The following DCC variants were observed in gnomAD, a reference collection of about 807,000 sequenced individuals.
The protein encoded by DCC is netrin receptor DCC.
DCC carries 58 observed loss-of-function variants against 172.5 expected under a neutral mutation model. The observed-to-expected ratio is 0.34, with a 90% CI of 0.27 to 0.42. The LOEUF (loss-of-function observed/expected upper bound fraction) is 0.42. DCC is among the 10% of genes least tolerant of loss of function. The pLI is 1.00. For synonymous variants in DCC, 709 were observed against 644.5 expected (o/e 1.10, Z -1.52); for missense variants, 1,740 against 1,791.0 (o/e 0.97, Z 0.51).
At chr18:53,156,750 A>G (rs992411099) in intron 7 of DCC, among the ~76,000 whole-genome samples, 8 of 152,286 alleles carry the variant, frequency 5.3e-5, no homozygotes, top group African/African-American at 1.9e-4. Flanking sequence ...ATTTATATTT[A>G]GTATATCTTG....
intron 27 of DCC, 41 bp downstream of exon 27, chr18:53,499,551 A>G (rs981252814): frequency 1.3e-6 from 2 of 1,514,776 alleles, no homozygotes; most frequent in African/African-American, 1.4e-5. Context: ...TCTTATTATT[A>G]TTGGTGCCTC....
chr18:52,652,331 C>T (rs1215305543), intron 1 of DCC, among the ~76,000 whole-genome samples: 2 of 152,168 alleles, frequency 1.3e-5, no homozygotes, highest in East Asian at 3.9e-4. Context: ...AAAGATATAC[C>T]TCTCGTCTCC....
Position 52,923,719 on chromosome 18 carries a change from A to G in DCC, c.710A>G (p.His237Arg), listed in dbSNP as rs2040158658. The G allele has an allele frequency of 1.9e-6, 3 of 1,608,452 alleles. No individual in the cohort carries two copies. Among genetic ancestry groups the G allele is most frequent in the Non-Finnish European group, 2.6e-6 (3 of 1,175,128 alleles). The change falls in exon 4 of 29, where the codon CAT becomes CGT. Residue 237 changes from histidine to arginine, a missense_variant. His to Arg is a conservative substitution (Grantham distance 29). This residue lies in a region of DCC where 1,732 missense variants were observed against 1,767.4 expected (regional missense o/e 0.98). Transcript: ENST00000442544. ...TTTCCCCTCATAGATCCAGGACTGC[A>G]TAGACAGCTGTATTTTCTGCAAAGA... ...EVRILSDPGL[H>R]RQLYFLQRPS...
intron 1 of DCC, among the ~76,000 whole-genome samples, chr18:52,577,814 CA>C (rs1411027420): frequency 6.6e-6 from 1 of 152,134 alleles, no homozygotes; most frequent in East Asian, 1.9e-4. Flanking sequence ...CTTCTGATGC[CA>C]CCTAATGGGA....
intron 12 of DCC, among the ~76,000 whole-genome samples, chr18:53,280,525 C>T (rs1884705012): frequency 6.6e-6 from 1 of 152,074 alleles, no homozygotes; most frequent in Non-Finnish European, 1.5e-5. Context: ...AAGGAGCATG[C>T]TCTGGAGTTA....
chr18:52,675,430 C>A (rs909062824), intron 1 of DCC, among the ~76,000 whole-genome samples: 3 of 152,018 alleles, frequency 2.0e-5, no homozygotes, highest in Non-Finnish European at 4.4e-5. Context: ...AGCTGGAAGC[C>A]CCCCACACCA....
chr18:52,546,833 C>T (rs2032630815), intron 1 of DCC, among the ~76,000 whole-genome samples: 1 of 152,016 alleles, frequency 6.6e-6, no homozygotes, highest in South Asian at 2.1e-4. Context: ...ACCTATAAAG[C>T]AGATGGGAAC....
intron 3 of DCC, among the ~76,000 whole-genome samples, chr18:52,920,387 A>T (rs1299972706): frequency 1.3e-5 from 2 of 152,262 alleles, no homozygotes; most frequent in South Asian, 2.1e-4. Context: ...TAGATAAAAG[A>T]TCTGAACAGA....
At chr18:53,137,121 T>C (rs1439510413) in intron 7 of DCC, among the ~76,000 whole-genome samples, 2 of 152,210 alleles carry the variant, frequency 1.3e-5, no homozygotes, top group African/African-American at 4.8e-5. Flanking sequence ...GTATAACAAA[T>C]TACTACAAAC....
At chr18:52,903,239 T>A (rs1001303837) in intron 2 of DCC, among the ~76,000 whole-genome samples, 7 of 152,198 alleles carry the variant, frequency 4.6e-5, no homozygotes, top group South Asian at 4.1e-4. Flanking sequence ...AGGTTCTCAC[T>A]CTCTTGCCCA....
chr18:52,648,901 C>A (rs1034350574), intron 1 of DCC, among the ~76,000 whole-genome samples: 1 of 152,064 alleles, frequency 6.6e-6, no homozygotes, highest in Non-Finnish European at 1.5e-5. Context: ...AAAGGGTGGA[C>A]GTTTCAGTGG....
At chr18:52,458,124 TTTG>T (rs934999792) in intron 1 of DCC, among the ~76,000 whole-genome samples, 2 of 152,040 alleles carry the variant, frequency 1.3e-5, no homozygotes, top group African/African-American at 4.8e-5. Context: ...TGGTCCAAAT[TTTG>T]ACCAAACCTT....
At chr18:52,427,819 C>CCTTT (rs772625577) in intron 1 of DCC, among the ~76,000 whole-genome samples, 1,975 of 91,320 alleles carry the variant, frequency 0.022, 150 homozygotes, top group African/African-American at 0.046. Context: ...TTCCTTTCTT[C>CCTTT]CTTCCTTCCT....
At chr18:53,339,453 G>A (rs1447348128) in intron 14 of DCC, among the ~76,000 whole-genome samples, 2 of 152,084 alleles carry the variant, frequency 1.3e-5, no homozygotes, top group Non-Finnish European at 2.9e-5. Flanking sequence ...CAAGTAAGAC[G>A]CTATTGGAAT....
At chr18:52,548,286 G>A (rs549890101) in intron 1 of DCC, among the ~76,000 whole-genome samples, 1 of 152,176 alleles carries the variant, frequency 6.6e-6, no homozygotes, top group African/African-American at 2.4e-5. Flanking sequence ...AGTTGTGAAA[G>A]TCACCCTGAC....
chr18:53,279,033 G>A (rs566963652), intron 12 of DCC, among the ~76,000 whole-genome samples: 22 of 152,294 alleles, frequency 1.4e-4, no homozygotes, highest in African/African-American at 4.6e-4. Flanking sequence ...CACCAACAGC[G>A]TAAAAGTGTT....
chr18:53,154,145 C>T (rs945992593), intron 7 of DCC, among the ~76,000 whole-genome samples: 4 of 152,034 alleles, frequency 2.6e-5, no homozygotes, highest in African/African-American at 9.7e-5. Context: ...AGATAAATAC[C>T]CCTATCCACT....
intron 2 of DCC, among the ~76,000 whole-genome samples, chr18:52,901,504 T>A (rs779561332): frequency 5.9e-5 from 9 of 152,090 alleles, no homozygotes; most frequent in Non-Finnish European, 1.3e-4. Flanking sequence ...TGGTACCAGT[T>A]CCATCTAGAA....
intron 5 of DCC, among the ~76,000 whole-genome samples, chr18:52,971,470 C>T (rs115622684): frequency 0.035 from 5,308 of 151,884 alleles, 123 homozygotes; most frequent in African/African-American, 0.053. Context: ...TTGACAATAT[C>T]GCCTTGAGAT....
Sources: gnomAD v4.1 joint callset for allele counts (sites outside exome capture counted in the v4.1 genomes callset) on GRCh38, gnomAD v4.1.1 for gene constraint, gnomAD v4.1.1 regional missense constraint, MANE v1.5 for transcripts, NCBI Gene and HGNC (gene_info 2026-07-23, HGNC 2026-07-21) for gene names.